Variants in C1orf87 observed in about 807,000 individuals in gnomAD.
C1orf87 encodes uncharacterized protein C1orf87.
Under a neutral mutation model 60.5 loss-of-function variants are expected in C1orf87, and 58 were observed. The ratio of observed to expected loss-of-function variants is 0.96; its 90% CI spans 0.78 to 1.19. The LOEUF is 1.19. Ranked by LOEUF, C1orf87 falls within the 50% of genes most tolerant of loss-of-function variation. C1orf87 has a pLI of 0.00. For missense variants in C1orf87, 673 were observed against 638.6 expected, an observed-to-expected ratio of 1.05 and a Z score of -0.58; for synonymous variants, 236 against 227.4, an observed-to-expected ratio of 1.04 and a Z score of -0.34.
chr1:59,992,226 A>T (rs74324215), intron 11 of C1orf87, among the ~76,000 whole-genome samples: 115 of 81,698 alleles, frequency 1.4e-3, no homozygotes, highest in African/African-American at 5.7e-3. Flanking sequence ...GTAGGGGTCT[A>T]TTTATTTATT....
chr1:60,018,079 C>A (rs928819719), intron 8 of C1orf87, among the ~76,000 whole-genome samples: 4 of 152,274 alleles, frequency 2.6e-5, no homozygotes, highest in Admixed American at 2.6e-4. Flanking sequence ...AATTAGCAAG[C>A]AGCCACATTC....
intron 3 of C1orf87, among the ~76,000 whole-genome samples, chr1:60,053,756 G>A (rs947694600): frequency 3.3e-5 from 5 of 151,696 alleles, no homozygotes; most frequent in African/African-American, 1.2e-4. Context: ...TTGCTACATC[G>A]TTATGCTATT....
intron 3 of C1orf87, among the ~76,000 whole-genome samples, chr1:60,054,099 G>T (rs1165222164): frequency 1.3e-5 from 2 of 152,174 alleles, no homozygotes; most frequent in African/African-American, 2.4e-5. Context: ...ATTCACATTT[G>T]ATCATTCAAA....
chr1:60,024,207 T>C (rs935132714), intron 8 of C1orf87, among the ~76,000 whole-genome samples: 2 of 152,198 alleles, frequency 1.3e-5, no homozygotes, highest in African/African-American at 4.8e-5. Flanking sequence ...TTTTGCATTG[T>C]TGATTGAGAT....
intron 6 of C1orf87, among the ~76,000 whole-genome samples, chr1:60,036,511 TG>T (rs1645278168): frequency 6.6e-6 from 1 of 152,222 alleles, no homozygotes; most frequent in Non-Finnish European, 1.5e-5. Flanking sequence ...GTACTTACTA[TG>T]TACCAGGCAC....
intron 5 of C1orf87, among the ~76,000 whole-genome samples, chr1:60,039,251 T>G (rs563592056): frequency 1.3e-5 from 2 of 152,322 alleles, no homozygotes; most frequent in Middle Eastern, 6.8e-3. Flanking sequence ...TGATACATGC[T>G]CACTAATGAT....
chr1:60,040,941 C>T, intron 4 of C1orf87, 50 bp downstream of exon 4: 3 of 1,511,534 alleles, frequency 2.0e-6, no homozygotes, highest in Non-Finnish European at 2.7e-6. Flanking sequence ...GAGTCAACAA[C>T]ACTCCTTCAT....
intron 11 of C1orf87, among the ~76,000 whole-genome samples, chr1:59,992,719 C>T (rs1297658324): frequency 2.6e-5 from 4 of 152,186 alleles, no homozygotes; most frequent in Non-Finnish European, 2.9e-5. Context: ...CCAAATATTA[C>T]TCATTTTTAA....
intron 3 of C1orf87, 45 bp downstream of exon 3, chr1:60,055,159 C>T: frequency 6.8e-7 from 1 of 1,465,450 alleles, no homozygotes. Flanking sequence ...TCTATATTTT[C>T]CTAATAAATT....
intron 3 of C1orf87, among the ~76,000 whole-genome samples, chr1:60,043,651 T>C (rs529275823): frequency 2.0e-5 from 3 of 152,216 alleles, no homozygotes; most frequent in Non-Finnish European, 2.9e-5. Context: ...CCCAAAGTGC[T>C]GGGATTATAG....
At chr1:60,033,707 C>T in intron 6 of C1orf87, 66 bp from the exon 7 acceptor site, 1 of 1,526,840 alleles carries the variant, frequency 6.5e-7, no homozygotes, top group South Asian at 1.3e-5. Flanking sequence ...GCATGCTTTC[C>T]TACTACATTT....
At chr1:60,023,049 C>A (rs190019239) in intron 8 of C1orf87, among the ~76,000 whole-genome samples, 8 of 152,204 alleles carry the variant, frequency 5.3e-5, no homozygotes, top group Admixed American at 5.2e-4. Context: ...TAACTGAAGT[C>A]ACAGAAAGTG....
chr1:59,997,837 T>C (rs1008615836), intron 10 of C1orf87, 21 bp from the exon 11 acceptor site: 5 of 1,608,554 alleles, frequency 3.1e-6, no homozygotes, highest in African/African-American at 1.3e-5. Context: ...AACAAAAGCA[T>C]TGGCAACACA....
chr1:60,013,546 A>G (rs1427586317), intron 8 of C1orf87, among the ~76,000 whole-genome samples: 1 of 152,100 alleles, frequency 6.6e-6, no homozygotes, highest in East Asian at 1.9e-4. Flanking sequence ...AGTAGAGGAC[A>G]TGGCTTCTTA....
intron 3 of C1orf87, among the ~76,000 whole-genome samples, chr1:60,053,823 C>A (rs959244845): frequency 6.6e-6 from 1 of 151,892 alleles, no homozygotes; most frequent in African/African-American, 2.4e-5. Context: ...AAAACCTAGA[C>A]AAACATCTTA....
chr1:60,000,616 T>C (rs1474019756), intron 10 of C1orf87, among the ~76,000 whole-genome samples: 1 of 152,072 alleles, frequency 6.6e-6, no homozygotes, highest in African/African-American at 2.4e-5. Flanking sequence ...TTGCCAGATT[T>C]TTTTCTTTCT....
intron 3 of C1orf87, among the ~76,000 whole-genome samples, chr1:60,052,757 G>C (rs569218469): frequency 6.6e-6 from 1 of 152,322 alleles, no homozygotes; most frequent in East Asian, 1.9e-4. Context: ...GAGTGATAAG[G>C]ATCTAGAAAG....
At chr1:60,033,225 G>A (rs1645251807) in intron 7 of C1orf87, among the ~76,000 whole-genome samples, 1 of 152,182 alleles carries the variant, frequency 6.6e-6, no homozygotes, top group South Asian at 2.1e-4. Flanking sequence ...TATTATTTGA[G>A]TGTTGTCATA....
chr1:60,026,583 G>A (rs1331380223), intron 7 of C1orf87, among the ~76,000 whole-genome samples: 2 of 151,460 alleles, frequency 1.3e-5, no homozygotes, highest in Non-Finnish European at 1.5e-5. Context: ...AGGTAGTGGG[G>A]TATCAAGGAA....
Sources: allele counts gnomAD v4.1 joint callset (sites outside exome capture counted in the v4.1 genomes callset), GRCh38; gene constraint gnomAD v4.1.1; transcripts MANE v1.5; gene names NCBI Gene and HGNC (gene_info 2026-07-23, HGNC 2026-07-21).